The following SIAH3 variants were observed in gnomAD, a reference collection of about 807,000 sequenced individuals.
The protein encoded by SIAH3 is seven in absentia homolog 3.
Under a neutral mutation model 12.6 loss-of-function variants are expected in SIAH3, and 9 were observed. The observed-to-expected ratio is 0.72, with a 90% CI of 0.43 to 1.25. SIAH3 has a LOEUF of 1.25. SIAH3 is among the 50% of genes most tolerant of loss of function. SIAH3 has a pLI of 0.00. For missense variants in SIAH3, 390 were observed against 365.4 expected (o/e 1.07, Z -0.55); for synonymous variants, 154 against 151.1 (o/e 1.02, Z -0.14).
At chr13:45,807,682 G>A (rs1447407310) in intron 1 of SIAH3, among the ~76,000 whole-genome samples, 1 of 152,200 alleles carries the variant, frequency 6.6e-6, no homozygotes, top group Non-Finnish European at 1.5e-5. Flanking sequence ...GCAATTTGCT[G>A]TGACCAATGA....
At chr13:45,804,395 G>T (rs1950591982) in intron 1 of SIAH3, among the ~76,000 whole-genome samples, 1 of 152,068 alleles carries the variant, frequency 6.6e-6, no homozygotes, top group East Asian at 1.9e-4. Flanking sequence ...ACAGAAAAAA[G>T]ATGGGTTGCC....
chr13:45,842,821 C>G (rs981176415), intron 1 of SIAH3, among the ~76,000 whole-genome samples: 14 of 152,174 alleles, frequency 9.2e-5, no homozygotes, highest in Admixed American at 6.5e-4. Context: ...TTCCCAACAC[C>G]ACTTTCCCCA....
At chr13:45,820,159 C>A (rs1950650479) in intron 1 of SIAH3, among the ~76,000 whole-genome samples, 1 of 152,192 alleles carries the variant, frequency 6.6e-6, no homozygotes, top group South Asian at 2.1e-4. Flanking sequence ...TCACATTGGC[C>A]ACTAAGTTTC....
At chr13:45,801,903 C>A (rs1290627172) in intron 1 of SIAH3, among the ~76,000 whole-genome samples, 1 of 152,144 alleles carries the variant, frequency 6.6e-6, no homozygotes, top group Non-Finnish European at 1.5e-5. Flanking sequence ...GGAAATCCTG[C>A]CTGTCCATGC....
At chr13:45,840,860 A>G (rs1950737556) in intron 1 of SIAH3, among the ~76,000 whole-genome samples, 1 of 152,220 alleles carries the variant, frequency 6.6e-6, no homozygotes, top group East Asian at 1.9e-4. Flanking sequence ...TAATTTTTAA[A>G]AAAGGTTCTG....
At chr13:45,833,140 T>C (rs1782804436) in intron 1 of SIAH3, among the ~76,000 whole-genome samples, 1 of 152,236 alleles carries the variant, frequency 6.6e-6, no homozygotes, top group African/African-American at 2.4e-5. Context: ...CTTCTAAGGA[T>C]TCTTTTCTTC....
intron 1 of SIAH3, among the ~76,000 whole-genome samples, chr13:45,838,549 GC>G (rs201897000): frequency 0.012 from 1,834 of 152,192 alleles, 32 homozygotes; most frequent in African/African-American, 0.039. Context: ...TGCCCCAAGT[GC>G]CCCCAGGCCA....
Position 45,833,508 on chromosome 13 carries a change from C to CAT in SIAH3, c.135+17986_135+17987insAT, listed in dbSNP as rs56403581. ...ACACACACACGCACACACACACACA[C>CAT]GGCAGTCCTTTTTAGAACAAGGCAG... On this transcript the variant is annotated intron_variant, in intron 1 of 1. Transcript: ENST00000400405. Among the ~76,000 whole-genome samples the CAT allele has an allele frequency of 3.3e-5, 5 of 151,982 alleles. No homozygotes were observed. In the East Asian group the frequency reaches 9.7e-4, roughly 29 times the overall value.
chr13:45,801,101 G>A (rs74681870), intron 1 of SIAH3, among the ~76,000 whole-genome samples: 1 of 79,284 alleles, frequency 1.3e-5, no homozygotes, highest in Admixed American at 1.0e-4. Flanking sequence ...GTGGCGGGGG[G>A]GGGCATGGCT....
intron 1 of SIAH3, among the ~76,000 whole-genome samples, chr13:45,846,266 T>A (rs1238906422): frequency 6.6e-6 from 1 of 151,706 alleles, no homozygotes; most frequent in Non-Finnish European, 1.5e-5. Flanking sequence ...ATTTTCGTAG[T>A]TTTAGTAGAG....
intron 1 of SIAH3, among the ~76,000 whole-genome samples, chr13:45,842,809 C>T (rs1950744903): frequency 6.6e-6 from 1 of 152,204 alleles, no homozygotes; most frequent in Admixed American, 6.5e-5. Flanking sequence ...CATTTCTCTT[C>T]TTTCCCAACA....
chr13:45,851,689 G>T lies in SIAH3; in HGVS notation c.-60C>A, dbSNP rs934431951. The T allele has an allele frequency of 1.9e-6, 3 of 1,609,006 alleles. No individual in the cohort carries two copies. The highest frequency in any genetic ancestry group is 2.5e-6 in the Non-Finnish European group (3 of 1,176,990). ...AGCGGAGGAAGCTGTGAGTCCTTGG[G>T]CCCTGGAAGGAGCGCAGCCTCTGAG... On this transcript the variant is annotated 5_prime_UTR_variant, in exon 1 of 2. Transcript: ENST00000400405.
intron 1 of SIAH3, among the ~76,000 whole-genome samples, chr13:45,801,556 G>T (rs1950582590): frequency 6.6e-6 from 1 of 152,090 alleles, no homozygotes; most frequent in African/African-American, 2.4e-5. Flanking sequence ...AGGCTGTATT[G>T]AATATTATAT....
rs1215234695 is a variant in SIAH3, at chr13:45,782,415, T to C, written c.*968A>G. Reference sequence around the variant, plus strand: ...GTTCTTTGCATTTGATGATGAGTCCTGGTTCTGCTTTTTGCATGATATGAA... The same window carrying C: ...GTTCTTTGCATTTGATGATGAGTCCCGGTTCTGCTTTTTGCATGATATGAA... On this transcript the variant is annotated 3_prime_UTR_variant, in exon 2 of 2. Transcript: ENST00000400405. 1 of 152,182 alleles carries C rather than the reference T, an allele frequency of 6.6e-6. No individual in the cohort carries two copies. Among genetic ancestry groups the C allele is most frequent in the Admixed American group, 6.5e-5 (1 of 15,280 alleles). The allele number at this position is 152,182 out of a possible 1,614,324, so 9.4% of individuals were successfully genotyped here. A position where few individuals can be genotyped will look rare whatever the true frequency, so the allele number is the denominator to read the frequency against.
chr13:45,798,609 G>C (rs191232011), intron 1 of SIAH3, among the ~76,000 whole-genome samples: 1 of 152,294 alleles, frequency 6.6e-6, no homozygotes, highest in Admixed American at 6.5e-5. Flanking sequence ...TAGTTAAGTT[G>C]TCTTGAACTT....
chr13:45,808,368 A>ATAATC (rs1052558689), intron 1 of SIAH3, among the ~76,000 whole-genome samples: 18 of 152,258 alleles, frequency 1.2e-4, no homozygotes, highest in Non-Finnish European at 2.6e-4. Context: ...GCAGTGAGTG[A>ATAATC]TAATCTGACA....
chr13:45,849,796 C>G (rs1950773200), intron 1 of SIAH3, among the ~76,000 whole-genome samples: 1 of 152,168 alleles, frequency 6.6e-6, no homozygotes, highest in South Asian at 2.1e-4. Context: ...CATATAAATG[C>G]AAACTTCAGA....
chr13:45,826,489 A>G (rs1207282147), intron 1 of SIAH3, among the ~76,000 whole-genome samples: 111 of 84,344 alleles, frequency 1.3e-3, no homozygotes, highest in Non-Finnish European at 1.9e-3. Flanking sequence ...GGATGGATGG[A>G]TGGGTGGGTG....
At chr13:45,846,234 T>A (rs1280452241) in intron 1 of SIAH3, among the ~76,000 whole-genome samples, 1 of 151,894 alleles carries the variant, frequency 6.6e-6, no homozygotes, top group Admixed American at 6.6e-5. Flanking sequence ...GGACTACAGG[T>A]GCCCGCCACC....
Sources: allele counts gnomAD v4.1 joint callset (sites outside exome capture counted in the v4.1 genomes callset), GRCh38; gene constraint gnomAD v4.1.1; transcripts MANE v1.5; gene names NCBI Gene and HGNC (gene_info 2026-07-23, HGNC 2026-07-21).